The following ST6GALNAC3 variants were observed in gnomAD, a reference collection of about 807,000 sequenced individuals.
ST6GALNAC3 encodes the protein alpha-N-acetylgalactosaminide alpha-2,6-sialyltransferase 3.
ST6GALNAC3 carries 25 observed loss-of-function variants against 32.7 expected under a neutral mutation model. The ratio of observed to expected loss-of-function variants is 0.76; its 90% CI spans 0.56 to 1.07. The LOEUF is 1.07. Among genes scored for constraint, ST6GALNAC3 ranks in the 50% least tolerant of loss-of-function variants. ST6GALNAC3 has a pLI of 0.00. For synonymous variants in ST6GALNAC3, 129 were observed against 133.1 expected, an observed-to-expected ratio of 0.97 and a Z score of 0.21; for missense variants, 355 against 382.4, an observed-to-expected ratio of 0.93 and a Z score of 0.60.
intron 3 of ST6GALNAC3, among the ~76,000 whole-genome samples, chr1:76,422,835 T>C (rs1655116423): frequency 6.6e-6 from 1 of 152,072 alleles, no homozygotes; most frequent in African/African-American, 2.4e-5. Flanking sequence ...AGCACTATTT[T>C]TGTTATGATA....
intron 3 of ST6GALNAC3, among the ~76,000 whole-genome samples, chr1:76,488,754 T>C (rs1052110218): frequency 3.9e-5 from 6 of 152,314 alleles, no homozygotes; most frequent in African/African-American, 1.4e-4. Context: ...CAGAGCCAGC[T>C]CTGCACAAAT....
intron 3 of ST6GALNAC3, among the ~76,000 whole-genome samples, chr1:76,465,911 G>T (rs1221438493): frequency 6.6e-6 from 1 of 151,990 alleles, no homozygotes; most frequent in African/African-American, 2.4e-5. Context: ...TAACAGAATT[G>T]TTGGAAAGTT....
chr1:76,457,955 A>G (rs1464265470), intron 3 of ST6GALNAC3, among the ~76,000 whole-genome samples: 1 of 150,280 alleles, frequency 6.7e-6, no homozygotes, highest in African/African-American at 2.4e-5. Context: ...GCAACCTACA[A>G]AATGGGAGAA....
chr1:76,478,533 C>T lies in ST6GALNAC3; in HGVS notation c.623+66116C>T, dbSNP rs182453942. 2.1e-4 allele frequency among the ~76,000 whole-genome samples: 32 copies of T among 152,174 alleles called. 1 individual carries two copies. In the East Asian group the frequency reaches 6.0e-3, roughly 29 times the overall value. On this transcript the variant is annotated intron_variant, in intron 3 of 4. Transcript: ENST00000328299. ...CTAATTTCTAGGGAGACTTCAATTC[C>T]TCACTGAAGTCAAGTTCCTTGTCAT...
chr1:76,555,065 A>C (rs1664839457), intron 3 of ST6GALNAC3, among the ~76,000 whole-genome samples: 1 of 152,192 alleles, frequency 6.6e-6, no homozygotes, highest in South Asian at 2.1e-4. Context: ...ATTGCCATTT[A>C]TAAAATAGCC....
intron 1 of ST6GALNAC3, among the ~76,000 whole-genome samples, chr1:76,244,231 T>C (rs1469289890): frequency 1.3e-5 from 2 of 152,174 alleles, no homozygotes; most frequent in Non-Finnish European, 2.9e-5. Context: ...AGTTTATTCA[T>C]GATTTGGTTC....
chr1:76,210,954 C>G (rs746937670), intron 1 of ST6GALNAC3, among the ~76,000 whole-genome samples: 2 of 152,244 alleles, frequency 1.3e-5, no homozygotes, highest in African/African-American at 4.8e-5. Flanking sequence ...CAACTCCTGA[C>G]CTCAAGTGAT....
Position 76,553,210 on chromosome 1 carries a change from C to T in ST6GALNAC3, c.624-74242C>T, listed in dbSNP as rs150116511. ...GTTGTTTTTAGATCTTTGTAGGTAC[C>T]ATTCCTTTATCTCTGTCATCTTTTG... is the stretch of plus-strand genomic sequence containing the variant. On this transcript the variant is annotated intron_variant, in intron 3 of 4. Transcript: ENST00000328299. Among the ~76,000 whole-genome samples the T allele has an allele frequency of 6.0e-3, 909 of 152,254 alleles. 4 individuals are homozygous for T. The highest frequency in any genetic ancestry group is 0.058 in the Middle Eastern group (17 of 294).
rs1039171043 is a variant in ST6GALNAC3 at position 76,142,752 on chromosome 1, G to A, written c.18+67868G>A. On this transcript the variant is annotated intron_variant, in intron 1 of 4. Coordinates refer to ENST00000328299, the MANE Select transcript of ST6GALNAC3 (RefSeq NM_152996.4). Reference sequence around the variant, plus strand: ...TTTTAGCAGTGAGGAGCGTCCAGCTGTGGTTATCTGGAGAATGCAATAGGC... The same window carrying A: ...TTTTAGCAGTGAGGAGCGTCCAGCTATGGTTATCTGGAGAATGCAATAGGC... The A allele has an allele frequency of 1.9e-5, 8 of 419,144 alleles. No homozygotes were observed. The Admixed American group carries it at 2.3e-4, about 12-fold the overall frequency. The allele number at this position is 419,144 out of a possible 1,614,324, so 26.0% of individuals were successfully genotyped here.
At chr1:76,253,643 C>A (rs1009701650) in intron 1 of ST6GALNAC3, among the ~76,000 whole-genome samples, 2 of 152,016 alleles carry the variant, frequency 1.3e-5, no homozygotes, top group East Asian at 3.8e-4. Context: ...TGGAGCCTGC[C>A]CGCTATGGAA....
At chr1:76,151,458 A>G (rs552391704) in intron 1 of ST6GALNAC3, among the ~76,000 whole-genome samples, 2 of 152,296 alleles carry the variant, frequency 1.3e-5, no homozygotes, top group Admixed American at 1.3e-4. Context: ...TTGGGTTCCC[A>G]CAGAGGCAGG....
At chr1:76,184,301 G>A (rs936784706) in intron 1 of ST6GALNAC3, among the ~76,000 whole-genome samples, 7 of 152,092 alleles carry the variant, frequency 4.6e-5, no homozygotes, top group African/African-American at 1.2e-4. Context: ...CACTTTGGGA[G>A]GCCAAAGCAG....
intron 3 of ST6GALNAC3, among the ~76,000 whole-genome samples, chr1:76,533,280 G>A (rs143193273): frequency 6.6e-6 from 1 of 152,132 alleles, no homozygotes; most frequent in African/African-American, 2.4e-5. Context: ...CATCCTCATG[G>A]CACTGTCGTG....
At chr1:76,423,556 G>A (rs1655173865) in intron 3 of ST6GALNAC3, among the ~76,000 whole-genome samples, 1 of 151,992 alleles carries the variant, frequency 6.6e-6, no homozygotes, top group Admixed American at 6.6e-5. Context: ...TGGAAACCAT[G>A]CAGAGCAGAG....
chr1:76,475,248 A>T (rs1372700261), intron 3 of ST6GALNAC3, among the ~76,000 whole-genome samples: 1 of 152,190 alleles, frequency 6.6e-6, no homozygotes, highest in Non-Finnish European at 1.5e-5. Flanking sequence ...GTAGCGGCTT[A>T]CGCTCTGTGG....
rs556652500 is a variant in ST6GALNAC3 at position 76,634,085 on chromosome 1, T to A, written c.*5279T>A. 1.2e-6 allele frequency: 1 copy of A among 849,870 alleles called. No individual in the cohort carries two copies. The highest frequency in any genetic ancestry group is 1.2e-4 in the East Asian group (1 of 8,142). 52.6% of individuals were successfully genotyped at this position (849,870 alleles called of 1,614,324 possible). ...ACTACTTGTTTGTTTCTTTTCAGAA[T>A]AGGCACTTTTTTTTGAGTAGAAAAC... is the stretch of plus-strand genomic sequence containing the variant. On this transcript the variant is annotated 3_prime_UTR_variant, in exon 5 of 5. Transcript: ENST00000328299.
chr1:76,372,496 C>G (rs1003270523), intron 2 of ST6GALNAC3, among the ~76,000 whole-genome samples: 5 of 151,944 alleles, frequency 3.3e-5, no homozygotes, highest in African/African-American at 1.2e-4. Context: ...ATTCTCAATT[C>G]TTTTTCCTCT....
At chr1:76,331,592 A>G (rs1005381769) in intron 2 of ST6GALNAC3, among the ~76,000 whole-genome samples, 4 of 152,170 alleles carry the variant, frequency 2.6e-5, no homozygotes, top group Non-Finnish European at 5.9e-5. Context: ...CATCTGACCA[A>G]TCATTTGTTT....
chr1:76,479,957 A>G (rs1659617605), intron 3 of ST6GALNAC3, among the ~76,000 whole-genome samples: 2 of 152,194 alleles, frequency 1.3e-5, no homozygotes, highest in African/African-American at 4.8e-5. Flanking sequence ...AAATATGTAC[A>G]TTTTTTAAAT....
Sources: gnomAD v4.1 joint callset for allele counts (sites outside exome capture counted in the v4.1 genomes callset) on GRCh38, gnomAD v4.1.1 for gene constraint, MANE v1.5 for transcripts, NCBI Gene and HGNC (gene_info 2026-07-23, HGNC 2026-07-21) for gene names.